Variants in PURA observed in about 807,000 individuals in gnomAD.
PURA encodes the protein transcriptional activator protein Pur-alpha.
Under a neutral mutation model 23.1 loss-of-function variants are expected in PURA, and 2 were observed. That is an observed-to-expected ratio of 0.09 (90% CI 0.04 to 0.27). PURA has a LOEUF of 0.27. Ranked by LOEUF, PURA falls within the 10% of genes least tolerant of loss-of-function variation. PURA has a pLI of 1.00. For missense variants in PURA, 187 were observed against 449.7 expected (o/e 0.42, Z 5.28); for synonymous variants, 254 against 205.9 (o/e 1.23, Z -2.00).
Position 140,120,428 on chromosome 5 carries a change from C to T in PURA, c.*5278C>T, listed in dbSNP as rs548400458. On this transcript the variant is annotated 3_prime_UTR_variant, in exon 1 of 1. Coordinates refer to ENST00000331327, the MANE Select transcript of PURA (RefSeq NM_005859.5). ...TCATTGCATATTAACCAAATTTTGG[C>T]CATTCATAAGTATGCTATAAAACTA... 6.0e-6 allele frequency: 1 copy of T among 166,652 alleles called. No individual in the cohort carries two copies. Among genetic ancestry groups the T allele is most frequent in the African/African-American group, 2.4e-5 (1 of 41,382 alleles). 10.3% of individuals were successfully genotyped at this position (166,652 alleles called of 1,614,324 possible).
At position 140,123,786 on chromosome 5, in the gene PURA, G is replaced by C. The variant is rs1420318073; in HGVS notation, c.*8636G>C. On this transcript the variant is annotated 3_prime_UTR_variant, in exon 1 of 1. Coordinates refer to ENST00000331327, the MANE Select transcript of PURA (RefSeq NM_005859.5). ...TCCAGCCTGAGATGGCCTAGATTTG[G>C]TGTGTTAGTTTGTTTCACTGAAGTC... is the stretch of plus-strand genomic sequence containing the variant. 1 of 167,054 alleles carries C rather than the reference G, an allele frequency of 6.0e-6. No individual in the cohort carries two copies. Among genetic ancestry groups the C allele is most frequent in the Non-Finnish European group, 1.5e-5 (1 of 68,080 alleles). 10.3% of individuals were successfully genotyped at this position (167,054 alleles called of 1,614,324 possible).
In PURA at chr5:140,120,801, G is replaced by T. The variant is rs1763144746; in HGVS notation, c.*5651G>T. The stretch of plus-strand genomic sequence containing the variant: ...TTATGTCTTTAGGAAAGCTGAGTGT[G>T]GCAAAGGTCACTTGTTAACATTTTT... On this transcript the variant is annotated 3_prime_UTR_variant, in exon 1 of 1. Coordinates refer to ENST00000331327, the MANE Select transcript of PURA (RefSeq NM_005859.5). 6.0e-6 allele frequency: 1 copy of T among 166,774 alleles called. No individual in the cohort carries two copies. The highest frequency in any genetic ancestry group is 6.6e-5 in the Admixed American group (1 of 15,254). 10.3% of individuals were successfully genotyped at this position (166,774 alleles called of 1,614,324 possible).
chr5:140,116,613 A>G lies in PURA; in HGVS notation c.*1463A>G, dbSNP rs1763082782. Reference sequence around the variant, plus strand: ...GTCCTCCAAACTGAAATTGTTTGTAACGATAGTCTTTTACAGGTTTTCCTT... The same window carrying G: ...GTCCTCCAAACTGAAATTGTTTGTAGCGATAGTCTTTTACAGGTTTTCCTT... On this transcript the variant is annotated 3_prime_UTR_variant, in exon 1 of 1. Transcript: ENST00000331327. 1 of 167,064 alleles carries G rather than the reference A, an allele frequency of 6.0e-6. No homozygotes were observed. Among genetic ancestry groups the G allele is most frequent in the African/African-American group, 2.4e-5 (1 of 41,450 alleles). The allele number at this position is 167,064 out of a possible 1,614,324, so 10.3% of individuals were successfully genotyped here.
At position 140,122,951 on chromosome 5, in the gene PURA, T is replaced by C. The variant is rs951958265; in HGVS notation, c.*7801T>C. ...CATCTCTATATATTAGTGATAAAAATCTCTTTTAAAAATAGCAAAAAAGTG... is the reference window on the plus strand; with the variant it reads ...CATCTCTATATATTAGTGATAAAAACCTCTTTTAAAAATAGCAAAAAAGTG... On this transcript the variant is annotated 3_prime_UTR_variant, in exon 1 of 1. Coordinates refer to ENST00000331327, the MANE Select transcript of PURA (RefSeq NM_005859.5). The C allele has an allele frequency of 4.2e-5, 7 of 166,844 alleles. No individual in the cohort carries two copies. The highest frequency in any genetic ancestry group is 1.7e-4 in the African/African-American group (7 of 41,436). The allele number at this position is 166,844 out of a possible 1,614,324, so 10.3% of individuals were successfully genotyped here. A position where few individuals can be genotyped will look rare whatever the true frequency, so the allele number is the denominator to read the frequency against.
At position 140,114,291 on chromosome 5, in the gene PURA, G is replaced by C. The variant is rs1430796646; in HGVS notation, c.110G>C (p.Gly37Ala). The change falls in exon 1 of 1, where the codon GGC (glycine) becomes GCC (alanine). Residue 37 changes from glycine to alanine, a missense_variant. By Grantham distance (60) the Gly-to-Ala change is moderately conservative (BLOSUM62 0). This residue lies in a region of PURA where 27 missense variants were observed against 55.2 expected (regional missense o/e 0.49). Coordinates refer to ENST00000331327, the MANE Select transcript of PURA (RefSeq NM_005859.5). ...GGCTCCGGCGGGGGCGGTGGTGGCG[G>C]CGGGGGCGGCGGCGGCAGTGGCGGC... is the stretch of plus-strand genomic sequence containing the variant. ...GSGSGGGGGG[G>A]GGGGGSGGGG... 1.6e-6 allele frequency: 2 copies of C among 1,244,906 alleles called. No individual in the cohort carries two copies. The highest frequency in any genetic ancestry group is 3.2e-5 in the African/African-American group (2 of 63,156). The allele number at this position is 1,244,906 out of a possible 1,614,324, so 77.1% of individuals were successfully genotyped here.
At position 140,119,200 on chromosome 5, in the gene PURA, T is replaced by C. The variant is rs1394499187; in HGVS notation, c.*4050T>C. 1.2e-5 allele frequency: 2 copies of C among 166,920 alleles called. No individual in the cohort carries two copies. Among genetic ancestry groups the C allele is most frequent in the Non-Finnish European group, 2.9e-5 (2 of 67,984 alleles). The allele number at this position is 166,920 out of a possible 1,614,324, so 10.3% of individuals were successfully genotyped here. A position where few individuals can be genotyped will look rare whatever the true frequency, so the allele number is the denominator to read the frequency against. On this transcript the variant is annotated 3_prime_UTR_variant, in exon 1 of 1. Transcript: ENST00000331327. ...AATGGTGAATATTATTAATATTGTATAATAGGAGTGGGAAGACTGCCTCCT... is the reference window on the plus strand; with the variant it reads ...AATGGTGAATATTATTAATATTGTACAATAGGAGTGGGAAGACTGCCTCCT...
rs1763113991 is a variant in PURA, at chr5:140,118,430, A to C, written c.*3280A>C. ...GTTGTTTTTTTCTTTTAAATCACCA[A>C]ATTTTTTTTAAGCTACTTTTTATTT... On this transcript the variant is annotated 3_prime_UTR_variant, in exon 1 of 1. Transcript: ENST00000331327. 6.0e-6 allele frequency: 1 copy of C among 166,942 alleles called. No individual in the cohort carries two copies. The highest frequency in any genetic ancestry group is 1.5e-5 in the Non-Finnish European group (1 of 68,050). The allele number at this position is 166,942 out of a possible 1,614,324, so 10.3% of individuals were successfully genotyped here. A position where few individuals can be genotyped will look rare whatever the true frequency, so the allele number is the denominator to read the frequency against.
rs930950241 is a variant in PURA, at chr5:140,125,557, C to T, written c.*10407C>T. ...CAAGGGGTTAGCCATTATCTTAACCCCTTCCTCACCAAAAGATTTTAGTTT... is the reference window on the plus strand; with the variant it reads ...CAAGGGGTTAGCCATTATCTTAACCTCTTCCTCACCAAAAGATTTTAGTTT... On this transcript the variant is annotated 3_prime_UTR_variant, in exon 1 of 1. Transcript: ENST00000331327. The T allele has an allele frequency of 1.8e-5, 3 of 166,984 alleles. No homozygotes were observed. Among genetic ancestry groups the T allele is most frequent in the African/African-American group, 7.2e-5 (3 of 41,414 alleles). The allele number at this position is 166,984 out of a possible 1,614,324, so 10.3% of individuals were successfully genotyped here. A position where few individuals can be genotyped will look rare whatever the true frequency, so the allele number is the denominator to read the frequency against.
rs777864550 is a variant in PURA, at chr5:140,114,568, G to C, written c.387G>C (p.Pro129=). 8 of 1,601,262 alleles carry C rather than the reference G, an allele frequency of 5.0e-6. No homozygotes were observed. The highest frequency in any genetic ancestry group is 2.2e-5 in the East Asian group (1 of 44,490). The change falls in exon 1 of 1, where the codon CCG becomes CCC. Residue 129 remains proline, a synonymous_variant. Transcript: ENST00000331327. The part of the protein sequence containing the change: ...EHYAQLGPSQ[P]PDLAQAQDEP... ...ACGCGCAGCTGGGCCCCAGCCAGCCGCCGGACCTGGCCCAGGCGCAGGACG... is the reference window on the plus strand; with the variant it reads ...ACGCGCAGCTGGGCCCCAGCCAGCCCCCGGACCTGGCCCAGGCGCAGGACG...
In PURA at chr5:140,115,976, T is replaced by G. The variant is rs1297165112; in HGVS notation, c.*826T>G. 6.0e-6 allele frequency: 1 copy of G among 167,082 alleles called. No homozygotes were observed. Among genetic ancestry groups the G allele is most frequent in the East Asian group, 1.9e-4 (1 of 5,212 alleles). 10.3% of individuals were successfully genotyped at this position (167,082 alleles called of 1,614,324 possible). A position where few individuals can be genotyped will look rare whatever the true frequency, so the allele number is the denominator to read the frequency against. The stretch of plus-strand genomic sequence containing the variant: ...ATTAAAAAAGGCATTTAAATGAAAT[T>G]TGCTAAGTTGTGATTTTTATGGTTG... On this transcript the variant is annotated 3_prime_UTR_variant, in exon 1 of 1. Transcript: ENST00000331327. This position sits in a 1 kb window ranked among gnomAD's most constrained non-coding sequence, Gnocchi z 4.1.
Position 140,114,111 on chromosome 5 carries a change from C to CGGCGGCTGA in PURA, c.-66_-58dup, listed in dbSNP as rs903508871. The CGGCGGCTGA allele has an allele frequency of 3.5e-5, 11 of 316,290 alleles. No homozygotes were observed. The highest frequency in any genetic ancestry group is 9.1e-4 in the Middle Eastern group (1 of 1,098). The allele number at this position is 316,290 out of a possible 1,614,324, so 19.6% of individuals were successfully genotyped here. A position where few individuals can be genotyped will look rare whatever the true frequency, so the allele number is the denominator to read the frequency against. ...AGGCGGAGCCGGGGAGGGAAAGCAG[C>CGGCGGCTGA]GGCGGCTGAGGCGACTGAGGCGGCG... is the stretch of plus-strand genomic sequence containing the variant. On this transcript the variant is annotated 5_prime_UTR_variant, in exon 1 of 1. Transcript: ENST00000331327.
At position 140,118,717 on chromosome 5, in the gene PURA, AC is replaced by A. The variant is rs1763118433; in HGVS notation, c.*3569del. Reference sequence around the variant, plus strand: ...TCTCAAAAAGCCATGGAGAGTAGAAACCAAAACCAACAGGGAAATAAAAAAC... The same window carrying A: ...TCTCAAAAAGCCATGGAGAGTAGAAACAAAACCAACAGGGAAATAAAAAAC... On this transcript the variant is annotated 3_prime_UTR_variant, in exon 1 of 1. Transcript: ENST00000331327. 1 of 166,988 alleles carries A rather than the reference AC, an allele frequency of 6.0e-6. No homozygotes were observed. Among genetic ancestry groups the A allele is most frequent in the African/African-American group, 2.4e-5 (1 of 41,452 alleles). 10.3% of individuals were successfully genotyped at this position (166,988 alleles called of 1,614,324 possible). A position where few individuals can be genotyped will look rare whatever the true frequency, so the allele number is the denominator to read the frequency against.
At position 140,114,581 on chromosome 5, in the gene PURA, C is replaced by G; in HGVS notation, c.400C>G (p.Gln134Glu). Residue 134 changes from glutamine to glutamate, a missense_variant, in exon 1 of 1, where the codon CAG becomes GAG. Physicochemically the swap from Gln to Glu is conservative, Grantham distance 29. This residue lies in a region of PURA where 26 missense variants were observed against 29.1 expected (regional missense o/e 0.89). Coordinates refer to ENST00000331327, the MANE Select transcript of PURA (RefSeq NM_005859.5). ...LGPSQPPDLA[Q>E]AQDEPRRALK... The stretch of plus-strand genomic sequence containing the variant: ...CCCCAGCCAGCCGCCGGACCTGGCC[C>G]AGGCGCAGGACGAGCCGCGCCGGGC... The G allele has an allele frequency of 6.2e-7, 1 of 1,603,306 alleles. No individual in the cohort carries two copies. The highest frequency in any genetic ancestry group is 8.5e-7 in the Non-Finnish European group (1 of 1,176,954).
At position 140,114,388 on chromosome 5, in the gene PURA, G is replaced by A. The variant is rs758197840; in HGVS notation, c.207G>A (p.Gln69=). The A allele has an allele frequency of 1.9e-5, 31 of 1,610,988 alleles. No homozygotes were observed. The highest frequency in any genetic ancestry group is 2.4e-5 in the Non-Finnish European group (28 of 1,179,636). ...QELASKRVDI[Q]NKRFYLDVKQ... ...TGGCCTCCAAGCGGGTGGACATCCA[G>A]AACAAGCGCTTCTACCTGGACGTGA... The change falls in exon 1 of 1, where the codon CAG becomes CAA. Residue 69 remains glutamine, a synonymous_variant. Coordinates refer to ENST00000331327, the MANE Select transcript of PURA (RefSeq NM_005859.5).
rs1339535624 is a variant in PURA, at chr5:140,121,891, G to A, written c.*6741G>A. The A allele has an allele frequency of 1.2e-5, 2 of 166,628 alleles. No individual in the cohort carries two copies. The highest frequency in any genetic ancestry group is 6.6e-5 in the Admixed American group (1 of 15,224). The allele number at this position is 166,628 out of a possible 1,614,324, so 10.3% of individuals were successfully genotyped here. On this transcript the variant is annotated 3_prime_UTR_variant, in exon 1 of 1. Coordinates refer to ENST00000331327, the MANE Select transcript of PURA (RefSeq NM_005859.5). The stretch of plus-strand genomic sequence containing the variant: ...GCTGTTTAATGTGTTTGTGGATGGG[G>A]GTTTGAGAGGTATATAGAGAATGGT...
chr5:140,114,826 G>C lies in PURA; in HGVS notation c.645G>C (p.Pro215=). ...LIDDYGVEEE[P]AELPEGTSLT... ...ACGACTACGGAGTGGAGGAGGAGCC[G>C]GCCGAGCTGCCCGAGGGCACCTCCT... The change falls in exon 1 of 1, where the codon CCG becomes CCC. Residue 215 remains proline, a synonymous_variant. Transcript: ENST00000331327. 3.7e-6 allele frequency: 6 copies of C among 1,614,174 alleles called. No individual in the cohort carries two copies. Among genetic ancestry groups the C allele is most frequent in the East Asian group, 2.2e-5 (1 of 44,880 alleles).
chr5:140,124,626 A>G lies in PURA; in HGVS notation c.*9476A>G, dbSNP rs960966767. 23 of 167,006 alleles carry G rather than the reference A, an allele frequency of 1.4e-4. No homozygotes were observed. The highest frequency in any genetic ancestry group is 5.1e-4 in the African/African-American group (21 of 41,460). The allele number at this position is 167,006 out of a possible 1,614,324, so 10.3% of individuals were successfully genotyped here. ...CCAGGTAGTTGTCTAAATATGGACCAATTTTGGGAAATGAAGATTAATAAG... is the reference window on the plus strand; with the variant it reads ...CCAGGTAGTTGTCTAAATATGGACCGATTTTGGGAAATGAAGATTAATAAG... On this transcript the variant is annotated 3_prime_UTR_variant, in exon 1 of 1. Coordinates refer to ENST00000331327, the MANE Select transcript of PURA (RefSeq NM_005859.5).
Position 140,116,062 on chromosome 5 carries a change from T to C in PURA, c.*912T>C, listed in dbSNP as rs1763074043. 1 of 167,106 alleles carries C rather than the reference T, an allele frequency of 6.0e-6. No individual in the cohort carries two copies. Among genetic ancestry groups the C allele is most frequent in the Non-Finnish European group, 1.5e-5 (1 of 68,114 alleles). 10.4% of individuals were successfully genotyped at this position (167,106 alleles called of 1,614,324 possible). A position where few individuals can be genotyped will look rare whatever the true frequency, so the allele number is the denominator to read the frequency against. On this transcript the variant is annotated 3_prime_UTR_variant, in exon 1 of 1. Coordinates refer to ENST00000331327, the MANE Select transcript of PURA (RefSeq NM_005859.5). ...AAGAAAAAGGAGATCTCCCATAATA[T>C]TTTTCTGCATCTGTTTGCTTTGACT... is the stretch of plus-strand genomic sequence containing the variant.
rs1221349263 is a variant in PURA, at chr5:140,123,485, T to C, written c.*8335T>C. ...CACTTTCACTTTTGTTTCTAGTCTT[T>C]TCTAATTTCTTGCAGAATTGTGTTT... is the stretch of plus-strand genomic sequence containing the variant. On this transcript the variant is annotated 3_prime_UTR_variant, in exon 1 of 1. Transcript: ENST00000331327. 2 of 166,820 alleles carry C rather than the reference T, an allele frequency of 1.2e-5. No individual in the cohort carries two copies. Among genetic ancestry groups the C allele is most frequent in the East Asian group, 1.9e-4 (1 of 5,206 alleles). 10.3% of individuals were successfully genotyped at this position (166,820 alleles called of 1,614,324 possible).
Sources: gnomAD v4.1 joint callset for allele counts on GRCh38, gnomAD v4.1.1 for gene constraint, gnomAD v4.1.1 regional missense constraint, Gnocchi (gnomAD v3.1) non-coding constraint, MANE v1.5 for transcripts, NCBI Gene and HGNC (gene_info 2026-07-23, HGNC 2026-07-21) for gene names.